Variants in CA12 observed in about 807,000 individuals in gnomAD.
CA12 encodes carbonic anhydrase 12.
In CA12, 36 loss-of-function variants were observed where a neutral mutation model predicts 46.8. The ratio of observed to expected loss-of-function variants is 0.77; its 90% CI spans 0.59 to 1.02. The LOEUF is 1.02. Among genes scored for constraint, CA12 ranks in the 50% least tolerant of loss-of-function variants. The pLI is 0.00. For synonymous variants in CA12, 202 were observed against 187.0 expected (o/e 1.08, Z -0.65); for missense variants, 436 against 451.4 (o/e 0.97, Z 0.31).
intron 4 of CA12, among the ~76,000 whole-genome samples, chr15:63,343,563 G>C (rs375897881): frequency 5.3e-5 from 8 of 152,174 alleles, no homozygotes; most frequent in South Asian, 4.2e-4. Flanking sequence ...TTATAGGTGT[G>C]AGCCAACATG....
chr15:63,373,245 A>G lies in CA12; in HGVS notation c.106+2413T>C, dbSNP rs562824237. ...CCGGGCGTGATGGCACACCCCTGTAATCCCAGCTACTTGGGAGGCTGAGGC... is the reference window on the plus strand; with the variant it reads ...CCGGGCGTGATGGCACACCCCTGTAGTCCCAGCTACTTGGGAGGCTGAGGC... On this transcript the variant is annotated intron_variant, in intron 2 of 10. Transcript: ENST00000178638. The surrounding 1 kb of genome is among the most constrained non-coding windows in gnomAD (Gnocchi z 4.9). Among the ~76,000 whole-genome samples, 44 of 152,110 alleles carry G rather than the reference A, an allele frequency of 2.9e-4. No individual in the cohort carries two copies. The highest frequency in any genetic ancestry group is 1.7e-3 in the South Asian group (8 of 4,804).
At chr15:63,369,580 G>A (rs149859026) in intron 2 of CA12, among the ~76,000 whole-genome samples, 4 of 152,334 alleles carry the variant, frequency 2.6e-5, no homozygotes, top group Non-Finnish European at 5.9e-5. Context: ...GGTAGGCCTG[G>A]GATGGGCTGA....
chr15:63,326,358 C>T lies in CA12; in HGVS notation c.993-1G>A. 6.2e-7 allele frequency: 1 copy of T among 1,612,408 alleles called. No individual in the cohort carries two copies. The highest frequency in any genetic ancestry group is 8.5e-7 in the Non-Finnish European group (1 of 1,178,536). ...TCCCTTGTTATCACCTTTTTTGATA[C>T]TAGAACAGAAAGAACACATAACTCT... is the stretch of plus-strand genomic sequence containing the variant. On this transcript the variant is annotated splice_acceptor_variant, in intron 10 of 10. Coordinates refer to ENST00000178638, the MANE Select transcript of CA12 (RefSeq NM_001218.5). LOFTEE classifies it high-confidence loss of function.
chr15:63,359,619 C>G (rs1172819064), intron 2 of CA12, among the ~76,000 whole-genome samples: 1 of 152,128 alleles, frequency 6.6e-6, no homozygotes, highest in Non-Finnish European at 1.5e-5. Flanking sequence ...TCTCTAAGAT[C>G]TATATGCTAT....
Position 63,345,468 on chromosome 15 carries a change from C to T in CA12, c.429+9G>A, listed in dbSNP as rs1314007098. 2.5e-6 allele frequency: 4 copies of T among 1,604,932 alleles called. No individual in the cohort carries two copies. The highest frequency in any genetic ancestry group is 3.3e-5 in the Admixed American group (2 of 60,000). On this transcript the variant is annotated intron_variant, in intron 4 of 10. Transcript: ENST00000178638. This position sits in a 1 kb window ranked among gnomAD's most constrained non-coding sequence, Gnocchi z 4.3. ...GAGCAGCCTCTGCCAGACTGGCAGC[C>T]CTACTTACCTCGGCGGCGAAGTGCT... is the stretch of plus-strand genomic sequence containing the variant.
Position 63,346,693 on chromosome 15 carries a change from A to G in CA12, c.123T>C (p.Asn41=). Residue 41 remains asparagine, a synonymous_variant, in exon 3 of 11, where the codon AAT becomes AAC. Transcript: ENST00000178638. The stretch of plus-strand genomic sequence containing the variant: ...ACGACGGGTACTTCTTGGACCAGCT[A>G]TTCTCCCCATCAGGACCTGGACACA... ...KWTYFGPDGE[N]SWSKKYPSCG... is the part of the protein sequence containing the mutation. 1 of 1,614,128 alleles carries G rather than the reference A, an allele frequency of 6.2e-7. No individual in the cohort carries two copies. Among genetic ancestry groups the G allele is most frequent in the Non-Finnish European group, 8.5e-7 (1 of 1,180,002 alleles).
rs1204705628 is a variant in CA12 at position 63,339,289 on chromosome 15, A to G, written c.748-344T>C. The stretch of plus-strand genomic sequence containing the variant: ...CCTCCACAGAGACTGAGTTCCTCTC[A>G]TGAACTTAAATTAGAGGCCAGCTCT... On this transcript the variant is annotated intron_variant, in intron 7 of 10. Coordinates refer to ENST00000178638, the MANE Select transcript of CA12 (RefSeq NM_001218.5). The surrounding 1 kb of genome is among the most constrained non-coding windows in gnomAD (Gnocchi z 4.3). Among the ~76,000 whole-genome samples, 1 of 152,044 alleles carries G rather than the reference A, an allele frequency of 6.6e-6. No homozygotes were observed. The highest frequency in any genetic ancestry group is 2.4e-5 in the African/African-American group (1 of 41,382).
intron 2 of CA12, among the ~76,000 whole-genome samples, chr15:63,371,997 G>A (rs1446680111): frequency 1.3e-5 from 2 of 152,164 alleles, no homozygotes; most frequent in African/African-American, 4.8e-5. Flanking sequence ...CGAAAAGTGT[G>A]TAGACCATAA....
At chr15:63,366,142 A>AG (rs2039433117) in intron 2 of CA12, among the ~76,000 whole-genome samples, 1 of 61,500 alleles carries the variant, frequency 1.6e-5, no homozygotes, top group African/African-American at 3.4e-5. Flanking sequence ...CTATCTCAAA[A>AG]AAAAAAAAAA....
At chr15:63,336,768 C>G (rs1595777445) in intron 8 of CA12, among the ~76,000 whole-genome samples, 1 of 152,036 alleles carries the variant, frequency 6.6e-6, no homozygotes, top group Non-Finnish European at 1.5e-5. Flanking sequence ...CAGGAGGAAG[C>G]AAAGCCAGGC....
At chr15:63,351,815 C>T (rs538845568) in intron 2 of CA12, among the ~76,000 whole-genome samples, 11 of 152,328 alleles carry the variant, frequency 7.2e-5, no homozygotes, top group Non-Finnish European at 1.5e-4. Context: ...TCACCTGTGA[C>T]TGTTAGAGCC....
chr15:63,381,555 T>G, intron 1 of CA12, 81 bp downstream of exon 1: 1 of 1,124,120 alleles, frequency 8.9e-7, no homozygotes, highest in Non-Finnish European at 1.3e-6. Flanking sequence ...GCAATGATTT[T>G]ACTTTATCAT....
At chr15:63,359,505 A>C (rs2039332407) in intron 2 of CA12, among the ~76,000 whole-genome samples, 1 of 152,054 alleles carries the variant, frequency 6.6e-6, no homozygotes, top group Non-Finnish European at 1.5e-5. Context: ...CCCTAACCAT[A>C]TATATGTACA....
chr15:63,374,285 C>T lies in CA12; in HGVS notation c.106+1373G>A, dbSNP rs2039543892. Among the ~76,000 whole-genome samples, 1 of 152,136 alleles carries T rather than the reference C, an allele frequency of 6.6e-6. No homozygotes were observed. Among genetic ancestry groups the T allele is most frequent in the Non-Finnish European group, 1.5e-5 (1 of 68,020 alleles). Reference sequence around the variant, plus strand: ...TCTTTCTTGCTTCTGCTCAACATCACCTTAGCCAACAGCACCCACTCCCCA... The same window carrying T: ...TCTTTCTTGCTTCTGCTCAACATCATCTTAGCCAACAGCACCCACTCCCCA... On this transcript the variant is annotated intron_variant, in intron 2 of 10. Coordinates refer to ENST00000178638, the MANE Select transcript of CA12 (RefSeq NM_001218.5). This position sits in a 1 kb window ranked among gnomAD's most constrained non-coding sequence, Gnocchi z 4.4.
intron 1 of CA12, among the ~76,000 whole-genome samples, chr15:63,380,111 C>T (rs1283230233): frequency 6.6e-6 from 1 of 152,140 alleles, no homozygotes; most frequent in Non-Finnish European, 1.5e-5. Context: ...AGTTAAAAAC[C>T]CAAGGAAACT....
intron 1 of CA12, among the ~76,000 whole-genome samples, chr15:63,376,562 CTTTCTT>C (rs1466925439): frequency 2.9e-5 from 3 of 104,228 alleles, no homozygotes; most frequent in South Asian, 3.9e-4. Context: ...TCTTTCCTTT[CTTTCTT>C]TCTTTCTTTC....
intron 2 of CA12, among the ~76,000 whole-genome samples, chr15:63,352,690 C>T (rs143410322): frequency 1.3e-5 from 2 of 152,278 alleles, no homozygotes; most frequent in African/African-American, 4.8e-5. Flanking sequence ...CCAAAGGATA[C>T]CACTGTAGTG....
chr15:63,355,096 G>A lies in CA12; in HGVS notation c.107-8387C>T, dbSNP rs1301334391. 6.6e-6 allele frequency among the ~76,000 whole-genome samples: 1 copy of A among 152,118 alleles called. No individual in the cohort carries two copies. The highest frequency in any genetic ancestry group is 2.1e-4 in the South Asian group (1 of 4,828). On this transcript the variant is annotated intron_variant, in intron 2 of 10. Transcript: ENST00000178638. The surrounding 1 kb of genome is among the most constrained non-coding windows in gnomAD (Gnocchi z 4.1). ...CTCCTCTTAGGTTCTCATGACCTGT[G>A]ACCTTAGAGTATGTTCATCGTGGAG...
chr15:63,362,105 G>A (rs748585252), intron 2 of CA12, among the ~76,000 whole-genome samples: 8 of 152,148 alleles, frequency 5.3e-5, no homozygotes, highest in Non-Finnish European at 1.0e-4. Context: ...CTCTGCTATT[G>A]TAGCCCAAAA....
Sources: gnomAD v4.1 joint callset for allele counts (sites outside exome capture counted in the v4.1 genomes callset) on GRCh38, gnomAD v4.1.1 for gene constraint, Gnocchi (gnomAD v3.1) non-coding constraint, MANE v1.5 for transcripts, NCBI Gene and HGNC (gene_info 2026-07-23, HGNC 2026-07-21) for gene names.